PRPS2: variants seen among roughly 807,000 people sequenced by gnomAD.
PRPS2 encodes the protein ribose-phosphate pyrophosphokinase 2.
For missense variants in PRPS2, 104 were observed against 271.5 expected, an observed-to-expected ratio of 0.38 and a Z score of 4.34; for synonymous variants, 111 against 115.3, an observed-to-expected ratio of 0.96 and a Z score of 0.24.
chrX:12,799,487 G>T, intron 2 of PRPS2, 97 bp downstream of exon 2: 1 of 952,122 alleles, frequency 1.1e-6, no homozygotes, highest in Non-Finnish European at 1.4e-6. Flanking sequence ...GGAAAATGTT[G>T]GCTTTTTCCT....
chrX:12,805,602 T>C (rs901143401), intron 2 of PRPS2, among the ~76,000 whole-genome samples: 1 of 112,415 alleles, frequency 8.9e-6, no homozygotes, highest in African/African-American at 3.2e-5. Context: ...TCTTCAGATG[T>C]CACAAAATAT....
chrX:12,815,775 C>G (rs1208315300), intron 4 of PRPS2, among the ~76,000 whole-genome samples: 2 of 111,203 alleles, frequency 1.8e-5, no homozygotes, highest in Non-Finnish European at 3.8e-5. Flanking sequence ...TCCCAAGTAG[C>G]TGGGGTTACA....
At chrX:12,804,502 G>A (rs1267450575) in intron 2 of PRPS2, among the ~76,000 whole-genome samples, 1 of 111,129 alleles carries the variant, frequency 9.0e-6, no homozygotes, top group Non-Finnish European at 1.9e-5. Context: ...CCTTACCTTG[G>A]ATCACGTGGC....
intron 2 of PRPS2, among the ~76,000 whole-genome samples, chrX:12,802,901 G>T (rs1371128810): frequency 8.9e-6 from 1 of 111,841 alleles, no homozygotes; most frequent in South Asian, 3.8e-4. Context: ...CATCAACCAC[G>T]CAGAGGCAGG....
At chrX:12,800,724 A>G (rs1298138617) in intron 2 of PRPS2, among the ~76,000 whole-genome samples, 2 of 111,868 alleles carry the variant, frequency 1.8e-5, no homozygotes, top group Admixed American at 1.9e-4. Context: ...GCAGCACACA[A>G]GATCCCCTCA....
At chrX:12,819,776 C>T in intron 5 of PRPS2, 96 bp downstream of exon 5, 36 of 1,000,932 alleles carry the variant, frequency 3.6e-5, no homozygotes, top group Non-Finnish European at 4.6e-5. Flanking sequence ...TGATTATTGC[C>T]GGTCTTGGCA....
chrX:12,803,005 G>A (rs904386379), intron 2 of PRPS2, among the ~76,000 whole-genome samples: 1 of 112,223 alleles, frequency 8.9e-6, no homozygotes, highest in African/African-American at 3.2e-5. Flanking sequence ...AAGGAATCAC[G>A]GTGGGGTGTA....
At chrX:12,813,793 G>A (rs943971310) in intron 4 of PRPS2, among the ~76,000 whole-genome samples, 4 of 111,936 alleles carry the variant, frequency 3.6e-5, no homozygotes, top group African/African-American at 1.3e-4. Flanking sequence ...GATCACAGCT[G>A]TTTCTCATGT....
intron 4 of PRPS2, 64 bp downstream of exon 4, chrX:12,810,210 T>C (rs1395258660): frequency 8.5e-7 from 1 of 1,173,684 alleles, no homozygotes; most frequent in Non-Finnish European, 1.1e-6. Context: ...TTTTCCGATG[T>C]ATTAGATAAG....
At position 12,812,249 on chromosome X, in the gene PRPS2, G is replaced by A. The variant is rs752386761; in HGVS notation, c.530+2103G>A. ...GCACTGGCCCAGTGGAAGGTTAGAGGCAAAGAATCCAGCCAAAGGGGTACA... is the reference window on the plus strand; with the variant it reads ...GCACTGGCCCAGTGGAAGGTTAGAGACAAAGAATCCAGCCAAAGGGGTACA... On this transcript the variant is annotated intron_variant, in intron 4 of 6. Transcript: ENST00000380668. 8.9e-5 allele frequency among the ~76,000 whole-genome samples: 10 copies of A among 112,184 alleles called. No homozygotes were observed. The East Asian group carries it at 2.8e-3, about 31-fold the overall frequency.
intron 4 of PRPS2, among the ~76,000 whole-genome samples, chrX:12,817,645 C>A (rs193175737): frequency 1.9e-3 from 211 of 111,110 alleles, no homozygotes; most frequent in Non-Finnish European, 2.9e-3. Context: ...AAAGGTGGAA[C>A]CAACCTGAGT....
chrX:12,809,383 A>G (rs1029588508), intron 3 of PRPS2, 51 bp downstream of exon 3: 14 of 1,108,057 alleles, frequency 1.3e-5, no homozygotes, highest in Non-Finnish European at 1.6e-5. Flanking sequence ...GTTAAATTAA[A>G]TAATCTTAGG....
At chrX:12,800,108 A>G (rs758270137) in intron 2 of PRPS2, among the ~76,000 whole-genome samples, 8 of 112,310 alleles carry the variant, frequency 7.1e-5, no homozygotes, top group African/African-American at 9.7e-5. Context: ...CTAAGCTGTC[A>G]TAAGAAATTA....
intron 2 of PRPS2, among the ~76,000 whole-genome samples, chrX:12,801,704 G>A (rs192828409): frequency 3.4e-4 from 38 of 112,579 alleles, no homozygotes; most frequent in Non-Finnish European, 5.8e-4. Context: ...CGCCTCCCAG[G>A]CTCAAGCAAT....
intron 1 of PRPS2, among the ~76,000 whole-genome samples, chrX:12,797,454 AGTT>A (rs2042550142): frequency 9.0e-6 from 1 of 111,606 alleles, no homozygotes; most frequent in African/African-American, 3.3e-5. Flanking sequence ...TGACATGAAA[AGTT>A]GTGACACCAA....
intron 4 of PRPS2, among the ~76,000 whole-genome samples, chrX:12,810,550 G>A (rs748950574): frequency 9.0e-6 from 1 of 111,533 alleles, no homozygotes; most frequent in African/African-American, 3.3e-5. Context: ...TCTGTACATA[G>A]AATACCAAGA....
At chrX:12,822,308 T>C (rs1456868190) in intron 6 of PRPS2, among the ~76,000 whole-genome samples, 1 of 112,449 alleles carries the variant, frequency 8.9e-6, no homozygotes, top group Non-Finnish European at 1.9e-5. Context: ...TGCTGACCCC[T>C]GAGTTAGATG....
rs754348155 is a variant in PRPS2, at chrX:12,823,425, G to A, written c.*629G>A. On this transcript the variant is annotated 3_prime_UTR_variant, in exon 7 of 7. Transcript: ENST00000380668. ...TAATATGGACACTGACACATTTTGGGGGGTATACATTAGACATATCAGAGC... is the reference window on the plus strand; with the variant it reads ...TAATATGGACACTGACACATTTTGGAGGGTATACATTAGACATATCAGAGC... 9.3e-6 allele frequency: 1 copy of A among 107,979 alleles called. No individual in the cohort carries two copies. The highest frequency in any genetic ancestry group is 4.1e-4 in the South Asian group (1 of 2,459). 8.9% of individuals were successfully genotyped at this position (107,979 alleles called of 1,213,427 possible). A position where few individuals can be genotyped will look rare whatever the true frequency, so the allele number is the denominator to read the frequency against.
chrX:12,814,981 C>A (rs7892586), intron 4 of PRPS2, among the ~76,000 whole-genome samples: 17,780 of 110,942 alleles, frequency 0.16, 1,117 homozygotes, highest in East Asian at 0.29. Context: ...CAGAAGAAAT[C>A]CAAAACTGTA....
Sources: gnomAD v4.1 joint callset for allele counts (sites outside exome capture counted in the v4.1 genomes callset) on GRCh38, gnomAD v4.1.1 for gene constraint, MANE v1.5 for transcripts, NCBI Gene and HGNC (gene_info 2026-07-23, HGNC 2026-07-21) for gene names.